The following DACT3 variants were observed in gnomAD, a reference collection of about 807,000 sequenced individuals.
DACT3 encodes the protein dapper homolog 3.
DACT3 carries 5 observed loss-of-function variants against 19.6 expected under a neutral mutation model. The observed-to-expected ratio is 0.26, with a 90% CI of 0.13 to 0.54. The LOEUF (loss-of-function observed/expected upper bound fraction) is 0.54, where lower values mean the gene tolerates loss of function less well. Ranked by LOEUF, DACT3 falls within the 20% of genes least tolerant of loss-of-function variation. The pLI is 0.95. For missense variants in DACT3, 908 were observed against 927.4 expected (o/e 0.98, Z 0.27); for synonymous variants, 454 against 428.1 (o/e 1.06, Z -0.75).
intron 1 of DACT3, chr19:46,655,004 T>C: frequency 1.0e-6 from 1 of 985,340 alleles, no homozygotes; most frequent in Non-Finnish European, 1.2e-6. Flanking sequence ...AAAAAGCAGC[T>C]GAATTGTGCA....
At position 46,654,541 on chromosome 19, in the gene DACT3, C is replaced by G. The variant is rs569936420; in HGVS notation, c.250-1466G>C. ...TTCCATGAGTCTACCCTGGATCCTTCTTGCTGCAGGAAAAGAGCACTTCTC... is the reference window on the plus strand; with the variant it reads ...TTCCATGAGTCTACCCTGGATCCTTGTTGCTGCAGGAAAAGAGCACTTCTC... On this transcript the variant is annotated intron_variant, in intron 1 of 3. Transcript: ENST00000391916. 3 of 982,850 alleles carry G rather than the reference C, an allele frequency of 3.1e-6. No individual in the cohort carries two copies. The African/African-American group carries it at 5.2e-5, about 17-fold the overall frequency. 60.9% of individuals were successfully genotyped at this position (982,850 alleles called of 1,614,324 possible). A position where few individuals can be genotyped will look rare whatever the true frequency, so the allele number is the denominator to read the frequency against.
intron 1 of DACT3, among the ~76,000 whole-genome samples, chr19:46,653,668 C>A (rs1449836127): frequency 6.6e-6 from 1 of 152,038 alleles, no homozygotes; most frequent in African/African-American, 2.4e-5. Flanking sequence ...ATTCACCCAC[C>A]TCAGCCTCCT....
rs1221859209 is a variant in DACT3, at chr19:46,649,397, C to T, written c.975G>A (p.Ala325=). The T allele has an allele frequency of 2.3e-6, 3 of 1,284,976 alleles. No individual in the cohort carries two copies. The highest frequency in any genetic ancestry group is 1.8e-5 in the South Asian group (1 of 54,278). The allele number at this position is 1,284,976 out of a possible 1,614,324, so 79.6% of individuals were successfully genotyped here. Residue 325 remains alanine, a synonymous_variant, in exon 4 of 4, where the codon GCG becomes GCA. Transcript: ENST00000391916. ...TSPAALSRAW[A]SSWESEAAPE... is the part of the protein sequence containing the mutation. ...GTGCCGCCTCCGACTCCCACGACGA[C>T]GCCCAGGCGCGGCTCAAGGCGGCAG...
rs1241280235 is a variant in DACT3 at position 46,649,164 on chromosome 19, C to T, written c.1208G>A (p.Arg403His). ...GCCCGAAGCCTCGGCCATGCGTCCA[C>T]GGCGGCCGGCGGCCCGGGGACGCTC... is the stretch of plus-strand genomic sequence containing the variant. ...PRERPRAAGRRGRMAEASGRR... is the reference protein window; with the variant it reads ...PRERPRAAGRHGRMAEASGRR... The change falls in exon 4 of 4, where the codon CGT (arginine) becomes CAT (histidine). Residue 403 changes from arginine to histidine, a missense_variant. Around this residue, in one of 2 missense-constraint regions of DACT3, gnomAD observed 656 missense variants for 601.8 expected, o/e 1.09. Transcript: ENST00000391916. 4.9e-6 allele frequency: 6 copies of T among 1,222,890 alleles called. No homozygotes were observed. The highest frequency in any genetic ancestry group is 6.1e-6 in the Non-Finnish European group (6 of 982,658). 75.8% of individuals were successfully genotyped at this position (1,222,890 alleles called of 1,614,324 possible). A position where few individuals can be genotyped will look rare whatever the true frequency, so the allele number is the denominator to read the frequency against.
intron 1 of DACT3, among the ~76,000 whole-genome samples, chr19:46,656,386 T>G (rs997032009): frequency 6.6e-6 from 1 of 152,004 alleles, no homozygotes; most frequent in African/African-American, 2.4e-5. Context: ...TCTCACTGTC[T>G]CACCAGGCTG....
chr19:46,659,310 C>T (rs2053056371), intron 1 of DACT3: 1 of 962,442 alleles, frequency 1.0e-6, no homozygotes, highest in African/African-American at 1.8e-5. Context: ...GAGGAGGGGA[C>T]AGAGGGACCG....
At position 46,648,719 on chromosome 19, in the gene DACT3, G is replaced by A. The variant is rs747697989; in HGVS notation, c.1653C>T (p.Ser551=). The A allele has an allele frequency of 8.7e-6, 14 of 1,604,288 alleles. No homozygotes were observed. Among genetic ancestry groups the A allele is most frequent in the East Asian group, 2.2e-5 (1 of 44,788 alleles). ...VGGGYGESES[S]ASEGESPAFS... is the part of the protein sequence containing the mutation. ...AGGCAGGCGATTCTCCCTCGCTGGC[G>A]CTCGATTCGCTCTCCCCGTAACCCC... Residue 551 remains serine, a synonymous_variant, in exon 4 of 4, where the codon AGC becomes AGT. Transcript: ENST00000391916. This position sits in a 1 kb window ranked among gnomAD's most constrained non-coding sequence, Gnocchi z 5.1.
chr19:46,652,561 C>G, intron 3 of DACT3, 99 bp downstream of exon 3: 1 of 1,280,324 alleles, frequency 7.8e-7, no homozygotes, highest in Non-Finnish European at 1.1e-6. Flanking sequence ...AATGTCACAG[C>G]TGGAATTGGA....
rs764670646 is a variant in DACT3 at position 46,647,580 on chromosome 19, C to G, written c.*902G>C. 1.3e-5 allele frequency: 2 copies of G among 152,458 alleles called. No individual in the cohort carries two copies. The highest frequency in any genetic ancestry group is 2.9e-5 in the Non-Finnish European group (2 of 68,044). 9.4% of individuals were successfully genotyped at this position (152,458 alleles called of 1,614,324 possible). On this transcript the variant is annotated 3_prime_UTR_variant, in exon 4 of 4. Coordinates refer to ENST00000391916, the MANE Select transcript of DACT3 (RefSeq NM_145056.3). ...AGTCCAAAGGAAAAAGAGCATTTCT[C>G]CCATTTAATCATTCAGTGAGAGTCC...
chr19:46,648,877 C>A lies in DACT3; in HGVS notation c.1495G>T (p.Val499Phe). 7.1e-7 allele frequency: 1 copy of A among 1,410,090 alleles called. No homozygotes were observed. The highest frequency in any genetic ancestry group is 9.1e-7 in the Non-Finnish European group (1 of 1,093,174). The allele number at this position is 1,410,090 out of a possible 1,614,324, so 87.3% of individuals were successfully genotyped here. A position where few individuals can be genotyped will look rare whatever the true frequency, so the allele number is the denominator to read the frequency against. Residue 499 changes from valine to phenylalanine, a missense_variant, in exon 4 of 4, where the codon GTT becomes TTT. Transcript: ENST00000391916. This position sits in a 1 kb window ranked among gnomAD's most constrained non-coding sequence, Gnocchi z 5.1. ...GACGGGGACGGGCCGGGGCCGGGAA[C>A]ACGCGCCGCAGGGGCTCGGGGCCGC... ...RVRPRAPAAR[V>F]PGPGPSPSAP...
At position 46,649,132 on chromosome 19, in the gene DACT3, C is replaced by T. The variant is rs1291531635; in HGVS notation, c.1240G>A (p.Gly414Ser). The T allele has an allele frequency of 1.8e-5, 23 of 1,267,700 alleles. No homozygotes were observed. Among genetic ancestry groups the T allele is most frequent in the Non-Finnish European group, 2.2e-5 (22 of 1,008,796 alleles). The allele number at this position is 1,267,700 out of a possible 1,614,324, so 78.5% of individuals were successfully genotyped here. The part of the protein sequence containing the change: ...GRMAEASGRR[G>S]SPRARKASRS... The stretch of plus-strand genomic sequence containing the variant: ...GAGGCCTTGCGGGCCCTGGGCGAGC[C>T]GCGGCGGCCCGAAGCCTCGGCCATG... Residue 414 changes from glycine (G) to serine (S), a missense_variant, in exon 4 of 4, where the codon GGC becomes AGC. Around this residue, in one of 2 missense-constraint regions of DACT3, gnomAD observed 656 missense variants for 601.8 expected, o/e 1.09. Transcript: ENST00000391916.
chr19:46,656,435 C>A (rs2053035045), intron 1 of DACT3, among the ~76,000 whole-genome samples: 1 of 152,098 alleles, frequency 6.6e-6, no homozygotes, highest in Non-Finnish European at 1.5e-5. Context: ...GCAGCCTTCA[C>A]CTCCTGGGCT....
Position 46,660,686 on chromosome 19 carries a change from G to A in DACT3, c.249+130C>T. ...CGCCGCCGGAACTCCGGGGTCGCCA[G>A]CCCCACCCCCTGTCCTTTCTCACTC... is the stretch of plus-strand genomic sequence containing the variant. On this transcript the variant is annotated intron_variant, in intron 1 of 3. Transcript: ENST00000391916. This position sits in a 1 kb window ranked among gnomAD's most constrained non-coding sequence, Gnocchi z 4.9. 1 of 1,380,522 alleles carries A rather than the reference G, an allele frequency of 7.2e-7. No individual in the cohort carries two copies. Among genetic ancestry groups the A allele is most frequent in the South Asian group, 1.6e-5 (1 of 61,890 alleles). The allele number at this position is 1,380,522 out of a possible 1,614,324, so 85.5% of individuals were successfully genotyped here.
In DACT3 at chr19:46,659,315, G is replaced by A. The variant is rs982832305; in HGVS notation, c.249+1501C>T. The stretch of plus-strand genomic sequence containing the variant: ...GGCTGAGGGGGAGGAGGGGACAGAG[G>A]GACCGAGGAGAGGGAGACTGAAGGG... On this transcript the variant is annotated intron_variant, in intron 1 of 3. Coordinates refer to ENST00000391916, the MANE Select transcript of DACT3 (RefSeq NM_145056.3). The A allele has an allele frequency of 4.4e-5, 42 of 958,086 alleles. No individual in the cohort carries two copies. The African/African-American group carries it at 7.4e-4, about 17-fold the overall frequency. 59.3% of individuals were successfully genotyped at this position (958,086 alleles called of 1,614,324 possible).
At position 46,660,782 on chromosome 19, in the gene DACT3, G is replaced by A; in HGVS notation, c.249+34C>T. On this transcript the variant is annotated intron_variant, in intron 1 of 3. Coordinates refer to ENST00000391916, the MANE Select transcript of DACT3 (RefSeq NM_145056.3). The surrounding 1 kb of genome is among the most constrained non-coding windows in gnomAD (Gnocchi z 4.9). ...AACCGAGACAGACAGACACAGACGG[G>A]GGTGGAGGGACGGACGGACAGGCAG... 6.8e-7 allele frequency: 1 copy of A among 1,459,950 alleles called. No individual in the cohort carries two copies. Among genetic ancestry groups the A allele is most frequent in the Non-Finnish European group, 9.0e-7 (1 of 1,111,136 alleles). 90.4% of individuals were successfully genotyped at this position (1,459,950 alleles called of 1,614,324 possible).
chr19:46,649,351 C>A lies in DACT3; in HGVS notation c.1021G>T (p.Ala341Ser). ...GGGCTGTCGGGGGGTGAGGGGGCGG[C>A]GGGCGGCGCAGCGGGCTCGGGTGCC... ...EAAPEPAAPPAAPSPPDSPAE... is the reference protein window; with the variant it reads ...EAAPEPAAPPSAPSPPDSPAE... Residue 341 changes from alanine (A) to serine (S), a missense_variant, in exon 4 of 4, where the codon GCC becomes TCC. Physicochemically the swap from Ala to Ser is moderately conservative, Grantham distance 99 (BLOSUM62 1). Transcript: ENST00000391916. The A allele has an allele frequency of 1.6e-6, 2 of 1,241,424 alleles. No homozygotes were observed. Among genetic ancestry groups the A allele is most frequent in the Non-Finnish European group, 2.0e-6 (2 of 989,682 alleles). The allele number at this position is 1,241,424 out of a possible 1,614,324, so 76.9% of individuals were successfully genotyped here. A position where few individuals can be genotyped will look rare whatever the true frequency, so the allele number is the denominator to read the frequency against.
At position 46,660,947 on chromosome 19, in the gene DACT3, G is replaced by C; in HGVS notation, c.118C>G (p.Arg40Gly). Residue 40 changes from arginine to glycine, a missense_variant, in exon 1 of 4, where the codon CGC (arginine) becomes GGC (glycine). By Grantham distance (125) the Arg-to-Gly change is moderately radical. Coordinates refer to ENST00000391916, the MANE Select transcript of DACT3 (RefSeq NM_145056.3). The surrounding 1 kb of genome is among the most constrained non-coding windows in gnomAD (Gnocchi z 4.9). ...GCCAGCCGCAGCGCCTGCTGCACGC[G>C]GTACTCCTGCCTCTCCCGGAGCCAA... ...LHWLRERQEY[R>G]VQQALRLAQP... 1.3e-6 allele frequency: 2 copies of C among 1,540,328 alleles called. No individual in the cohort carries two copies. The highest frequency in any genetic ancestry group is 1.7e-6 in the Non-Finnish European group (2 of 1,146,046).
Position 46,648,202 on chromosome 19 carries a change from A to G in DACT3, c.*280T>C, listed in dbSNP as rs1376622574. 2.0e-5 allele frequency: 10 copies of G among 491,960 alleles called. No individual in the cohort carries two copies. The highest frequency in any genetic ancestry group is 3.6e-5 in the Admixed American group (1 of 27,982). 30.5% of individuals were successfully genotyped at this position (491,960 alleles called of 1,614,324 possible). ...ACCCCTTTTGCATACATGGACACTT[A>G]CTGTACAGATGAGGAAAGTGACGCC... On this transcript the variant is annotated 3_prime_UTR_variant, in exon 4 of 4. Transcript: ENST00000391916. This position sits in a 1 kb window ranked among gnomAD's most constrained non-coding sequence, Gnocchi z 5.1.
intron 3 of DACT3, chr19:46,651,499 A>T (rs965359659): frequency 6.6e-6 from 1 of 152,226 alleles, no homozygotes; most frequent in Non-Finnish European, 1.5e-5. Context: ...ACTGCTAGGT[A>T]GCACATAGTG....
Sources: gnomAD v4.1 joint callset for allele counts (sites outside exome capture counted in the v4.1 genomes callset) on GRCh38, gnomAD v4.1.1 for gene constraint, gnomAD v4.1.1 regional missense constraint, Gnocchi (gnomAD v3.1) non-coding constraint, MANE v1.5 for transcripts, NCBI Gene and HGNC (gene_info 2026-07-23, HGNC 2026-07-21) for gene names.